NCKAP1: variants seen among roughly 807,000 people sequenced by gnomAD.
NCKAP1 encodes nck-associated protein 1.
In NCKAP1, 21 loss-of-function variants were observed where a neutral mutation model predicts 151.2. The ratio of observed to expected loss-of-function variants is 0.14; its 90% confidence interval spans 0.10 to 0.20. The LOEUF (loss-of-function observed/expected upper bound fraction) is 0.20, where lower values mean the gene tolerates loss of function less well. Among genes scored for constraint, NCKAP1 ranks in the 10% least tolerant of loss-of-function variants. The probability of loss-of-function intolerance (pLI) is 1.00; values close to 1 mark genes in which losing one functional copy is unlikely to be tolerated. For synonymous variants in NCKAP1, 484 were observed against 451.8 expected, an observed-to-expected ratio of 1.07 and a Z score of -0.90; for missense variants, 933 against 1,352.1, an observed-to-expected ratio of 0.69 and a Z score of 4.86.
rs1202640772 is a variant in NCKAP1 at position 182,924,019 on chromosome 2, CCTCT to C, written c.*1679_*1682del. On this transcript the variant is annotated 3_prime_UTR_variant, in exon 31 of 31. Transcript: ENST00000361354. ...GAGATCACTGCCAACAAAGTTATTA[CCTCT>C]CTAAGATCCTAATATTTCAAAACAA... 3 of 152,172 alleles carry C rather than the reference CCTCT, an allele frequency of 2.0e-5. No homozygotes were observed. The highest frequency in any genetic ancestry group is 1.9e-4 in the East Asian group (1 of 5,198). 9.4% of individuals were successfully genotyped at this position (152,172 alleles called of 1,614,324 possible). A position where few individuals can be genotyped will look rare whatever the true frequency, so the allele number is the denominator to read the frequency against.
rs141625081 is a variant in NCKAP1, at chr2:182,983,638, C to A, written c.1005-256G>T. 2.0e-5 allele frequency among the ~76,000 whole-genome samples: 3 copies of A among 152,254 alleles called. No individual in the cohort carries two copies. In the East Asian group the frequency reaches 5.8e-4, roughly 29 times the overall value. On this transcript the variant is annotated intron_variant, in intron 10 of 30. Coordinates refer to ENST00000361354, the MANE Select transcript of NCKAP1 (RefSeq NM_013436.5). The stretch of plus-strand genomic sequence containing the variant: ...TCAAAATCCTACCCAACCTTCAAGA[C>A]CAGTCCTTCAAGAAGCATTTCCCAA...
chr2:183,014,729 A>C (rs1698652314), intron 2 of NCKAP1, among the ~76,000 whole-genome samples: 1 of 152,218 alleles, frequency 6.6e-6, no homozygotes, highest in Non-Finnish European at 1.5e-5. Flanking sequence ...ATCTGACAAA[A>C]GGTAGTACTG....
intron 9 of NCKAP1, 64 bp from the exon 10 acceptor site, chr2:182,986,291 T>C: frequency 1.6e-6 from 2 of 1,282,100 alleles, no homozygotes; most frequent in Non-Finnish European, 1.1e-6. Context: ...AATGAGTAAG[T>C]CTAATACTAG....
At chr2:182,955,183 C>G (rs75183774) in intron 20 of NCKAP1, among the ~76,000 whole-genome samples, 2,442 of 152,306 alleles carry the variant, frequency 0.016, 68 homozygotes, top group African/African-American at 0.056. Flanking sequence ...CTGTCATATT[C>G]TGTTCTCTAA....
rs1002585003 is a variant in NCKAP1 at position 182,913,048 on chromosome 2, T to C, written c.*12654A>G. Reference sequence around the variant, plus strand: ...GTTTTGACGTTACCATGTTGAATAGTTGTTATTTGTTTTACTGTCTGCCTC... The same window carrying C: ...GTTTTGACGTTACCATGTTGAATAGCTGTTATTTGTTTTACTGTCTGCCTC... On this transcript the variant is annotated 3_prime_UTR_variant, in exon 31 of 31. Coordinates refer to ENST00000361354, the MANE Select transcript of NCKAP1 (RefSeq NM_013436.5). 3 of 152,218 alleles carry C rather than the reference T, an allele frequency of 2.0e-5. No homozygotes were observed. The highest frequency in any genetic ancestry group is 7.2e-5 in the African/African-American group (3 of 41,462). 9.4% of individuals were successfully genotyped at this position (152,218 alleles called of 1,614,324 possible). A position where few individuals can be genotyped will look rare whatever the true frequency, so the allele number is the denominator to read the frequency against.
Position 182,917,440 on chromosome 2 carries a change from C to A in NCKAP1, c.*8262G>T, listed in dbSNP as rs781364130. The A allele has an allele frequency of 6.6e-6, 1 of 152,180 alleles. No homozygotes were observed. The highest frequency in any genetic ancestry group is 1.5e-5 in the Non-Finnish European group (1 of 68,026). The allele number at this position is 152,180 out of a possible 1,614,324, so 9.4% of individuals were successfully genotyped here. On this transcript the variant is annotated 3_prime_UTR_variant, in exon 31 of 31. Transcript: ENST00000361354. Reference sequence around the variant, plus strand: ...ACATATGTTAATTTGGTTAAATTACCTAACTCTTGAATAGGTTGAACCAGA... The same window carrying A: ...ACATATGTTAATTTGGTTAAATTACATAACTCTTGAATAGGTTGAACCAGA...
chr2:183,010,459 A>C (rs1698571395), intron 2 of NCKAP1, among the ~76,000 whole-genome samples: 2 of 152,240 alleles, frequency 1.3e-5, no homozygotes, highest in Admixed American at 1.3e-4. Flanking sequence ...CAGCAGAGAA[A>C]CTACCCAGTC....
intron 11 of NCKAP1, 27 bp downstream of exon 11, chr2:182,983,259 T>A: frequency 1.3e-6 from 2 of 1,515,612 alleles, no homozygotes; most frequent in Non-Finnish European, 1.8e-6. Flanking sequence ...ATGGCACAAT[T>A]ATTGAAATAA....
intron 10 of NCKAP1, among the ~76,000 whole-genome samples, chr2:182,985,834 A>G (rs972909466): frequency 6.6e-6 from 1 of 151,788 alleles, no homozygotes; most frequent in African/African-American, 2.4e-5. Context: ...TATTATCTGT[A>G]AGAGTTATAT....
intron 20 of NCKAP1, among the ~76,000 whole-genome samples, chr2:182,954,982 G>C (rs4591313): frequency 0.94 from 143,551 of 152,022 alleles, 67,891 homozygotes; most frequent in East Asian, 0.99. Context: ...ACCCACCAAT[G>C]TCCCACCTCT....
At chr2:182,945,600 A>G (rs1050582473) in intron 23 of NCKAP1, among the ~76,000 whole-genome samples, 1 of 152,186 alleles carries the variant, frequency 6.6e-6, no homozygotes, top group African/African-American at 2.4e-5. Context: ...AAAAAAAATT[A>G]ATGTTCATAT....
At chr2:183,034,866 A>G (rs369853726) in intron 1 of NCKAP1, among the ~76,000 whole-genome samples, 47 of 152,238 alleles carry the variant, frequency 3.1e-4, no homozygotes, top group African/African-American at 1.1e-3. Context: ...TTTACAGTTA[A>G]TTTTCCCCAT....
chr2:183,026,671 G>T (rs953446468), intron 1 of NCKAP1, among the ~76,000 whole-genome samples: 5 of 152,076 alleles, frequency 3.3e-5, no homozygotes, highest in African/African-American at 1.2e-4. Flanking sequence ...CAATTTTCAT[G>T]ACTTACTAGC....
At chr2:182,966,577 C>A (rs542712383) in intron 16 of NCKAP1, among the ~76,000 whole-genome samples, 7 of 152,162 alleles carry the variant, frequency 4.6e-5, no homozygotes, top group African/African-American at 1.7e-4. Flanking sequence ...TGAGCCACCG[C>A]GCCTGGCCAC....
Position 182,953,230 on chromosome 2 carries a change from G to T in NCKAP1, c.2255C>A (p.Ser752Ter). ...SVRAYMTVLQSIENYVQIDIT... is the reference protein window; with the variant it reads ...SVRAYMTVLQ ...ATCAATCTGCACATAGTTTTCTATTGACTGGAGTACGGTCATGTATGCTCT... is the reference window on the plus strand; with the variant it reads ...ATCAATCTGCACATAGTTTTCTATTTACTGGAGTACGGTCATGTATGCTCT... The change falls in exon 21 of 31, where the codon TCA becomes TAA. Residue 752 changes from serine to a stop codon, truncating the protein, a stop_gained. Transcript: ENST00000361354. LOFTEE classifies it high-confidence loss of function. 6.2e-7 allele frequency: 1 copy of T among 1,612,838 alleles called. No individual in the cohort carries two copies. The highest frequency in any genetic ancestry group is 1.1e-5 in the South Asian group (1 of 91,028).
chr2:182,959,517 G>C (rs887944023), intron 18 of NCKAP1, among the ~76,000 whole-genome samples: 1 of 152,102 alleles, frequency 6.6e-6, no homozygotes, highest in African/African-American at 2.4e-5. Context: ...TGCACAAAAG[G>C]CCTTTGACAA....
intron 2 of NCKAP1, among the ~76,000 whole-genome samples, chr2:183,012,592 T>C (rs1264857203): frequency 6.6e-6 from 1 of 150,966 alleles, no homozygotes; most frequent in Non-Finnish European, 1.5e-5. Flanking sequence ...CACTCTACCA[T>C]CTTTTTACTG....
intron 14 of NCKAP1, among the ~76,000 whole-genome samples, chr2:182,977,318 C>T (rs1697844346): frequency 6.6e-6 from 1 of 151,998 alleles, no homozygotes; most frequent in East Asian, 1.9e-4. Flanking sequence ...AGTGAAACCC[C>T]ATCTCTACTA....
rs1696625747 is a variant in NCKAP1, at chr2:182,925,519, T to C, written c.*183A>G. 2.7e-6 allele frequency: 1 copy of C among 365,362 alleles called. No individual in the cohort carries two copies. Among genetic ancestry groups the C allele is most frequent in the South Asian group, 1.2e-4 (1 of 8,384 alleles). 22.6% of individuals were successfully genotyped at this position (365,362 alleles called of 1,614,324 possible). ...CAGTGAATTCAGTGAATGTGCAACC[T>C]AAATCAACCAAGTATACTGTAGTAC... On this transcript the variant is annotated 3_prime_UTR_variant, in exon 31 of 31. Transcript: ENST00000361354.
Sources: gnomAD v4.1 joint callset for allele counts (sites outside exome capture counted in the v4.1 genomes callset) on GRCh38, gnomAD v4.1.1 for gene constraint, MANE v1.5 for transcripts, NCBI Gene and HGNC (gene_info 2026-07-23, HGNC 2026-07-21) for gene names.